The following UNC80 variants were observed in gnomAD, a reference collection of about 807,000 sequenced individuals.
UNC80 encodes the protein protein unc-80 homolog.
A neutral mutation model predicts 384.6 loss-of-function variants in UNC80; 164 were observed. That is an observed-to-expected ratio of 0.43 (90% CI 0.38 to 0.49). The LOEUF (loss-of-function observed/expected upper bound fraction) is 0.49, where lower values mean the gene tolerates loss of function less well. Among genes scored for constraint, UNC80 ranks in the 20% least tolerant of loss-of-function variants. The probability of loss-of-function intolerance (pLI) is 0.00; values close to 1 mark genes in which losing one functional copy is unlikely to be tolerated. For synonymous variants in UNC80, 1,486 were observed against 1,527.8 expected (o/e 0.97, Z 0.64); for missense variants, 3,330 against 4,143.0 (o/e 0.80, Z 5.39).
At chr2:209,895,333 A>T (rs760698913) in intron 27 of UNC80, among the ~76,000 whole-genome samples, 2 of 152,240 alleles carry the variant, frequency 1.3e-5, no homozygotes, top group Non-Finnish European at 2.9e-5. Flanking sequence ...AAAGTCAGCA[A>T]GAAGTGTGGA....
At chr2:209,774,317 T>C (rs1303724981) in intron 2 of UNC80, among the ~76,000 whole-genome samples, 1 of 152,230 alleles carries the variant, frequency 6.6e-6, no homozygotes, top group Non-Finnish European at 1.5e-5. Context: ...GAATTTAGCT[T>C]GTTAGAGTAA....
rs2093524169 is a variant in UNC80 at position 209,999,176 on chromosome 2, G to T, written c.*3581G>T. The T allele has an allele frequency of 6.6e-6, 1 of 152,034 alleles. No individual in the cohort carries two copies. 9.4% of individuals were successfully genotyped at this position (152,034 alleles called of 1,614,324 possible). A position where few individuals can be genotyped will look rare whatever the true frequency, so the allele number is the denominator to read the frequency against. On this transcript the variant is annotated 3_prime_UTR_variant, in exon 65 of 65. Coordinates refer to ENST00000673920, the MANE Select transcript of UNC80 (RefSeq NM_001371986.1). The stretch of plus-strand genomic sequence containing the variant: ...CTATTATGAGTACTGAATGACCAAA[G>T]AACATGGAAAAAATGCATATGAATA...
chr2:209,937,748 T>C, intron 42 of UNC80, 118 bp downstream of exon 42: 1 of 717,980 alleles, frequency 1.4e-6, no homozygotes. Flanking sequence ...CTGGAGACAG[T>C]AGTTGGCCCT....
chr2:209,954,029 C>T lies in UNC80; in HGVS notation c.7287-71C>T. ...TCTAGATGCTTTTCATTGTTCTATGCTCTTAAGTGTGACACAACCAACAAA... is the reference window on the plus strand; with the variant it reads ...TCTAGATGCTTTTCATTGTTCTATGTTCTTAAGTGTGACACAACCAACAAA... On this transcript the variant is annotated intron_variant, in intron 47 of 64. Coordinates refer to ENST00000673920, the MANE Select transcript of UNC80 (RefSeq NM_001371986.1). 6.8e-6 allele frequency: 10 copies of T among 1,466,522 alleles called. No homozygotes were observed. The South Asian group carries it at 1.3e-4, about 19-fold the overall frequency. 90.8% of individuals were successfully genotyped at this position (1,466,522 alleles called of 1,614,324 possible).
intron 15 of UNC80, among the ~76,000 whole-genome samples, chr2:209,829,676 T>G (rs1025028209): frequency 2.6e-5 from 4 of 152,144 alleles, no homozygotes; most frequent in African/African-American, 9.7e-5. Context: ...GGGACTCCTC[T>G]CTCTCATATA....
At chr2:209,774,265 A>C (rs2076743933) in intron 2 of UNC80, among the ~76,000 whole-genome samples, 1 of 152,222 alleles carries the variant, frequency 6.6e-6, no homozygotes, top group African/African-American at 2.4e-5. Flanking sequence ...ATTTTTTAAA[A>C]TATAACTTTC....
chr2:209,826,062 A>G lies in UNC80; in HGVS notation c.2478+9A>G. 1 of 1,544,346 alleles carries G rather than the reference A, an allele frequency of 6.5e-7. No homozygotes were observed. The highest frequency in any genetic ancestry group is 1.2e-5 in the South Asian group (1 of 82,440). On this transcript the variant is annotated intron_variant, in intron 14 of 64. Coordinates refer to ENST00000673920, the MANE Select transcript of UNC80 (RefSeq NM_001371986.1). The stretch of plus-strand genomic sequence containing the variant: ...AGGTATTCCGAGAGAATGTAAGAGA[A>G]TTAAAGTAGATTCCATTTCCTCTCC...
intron 47 of UNC80, among the ~76,000 whole-genome samples, chr2:209,953,426 A>G (rs1429780316): frequency 2.6e-5 from 4 of 151,396 alleles, no homozygotes; most frequent in Non-Finnish European, 5.9e-5. Context: ...CAAAAAAAAA[A>G]AAAAAAAAAA....
intron 22 of UNC80, 80 bp downstream of exon 22, chr2:209,849,703 T>C (rs2082388011): frequency 2.2e-6 from 3 of 1,370,142 alleles, no homozygotes; most frequent in Non-Finnish European, 3.0e-6. Context: ...GATTCCCCAA[T>C]TGTAATCCTC....
At position 209,820,688 on chromosome 2, in the gene UNC80, G is replaced by A. The variant is rs370746956; in HGVS notation, c.2331+9G>A. On this transcript the variant is annotated intron_variant, in intron 13 of 64. Transcript: ENST00000673920. ...ATAAGAACCAAGAGAAGGTATGACT[G>A]AACCACCTTATGTGTCCTCATGAAA... is the stretch of plus-strand genomic sequence containing the variant. 5 of 1,527,868 alleles carry A rather than the reference G, an allele frequency of 3.3e-6. No homozygotes were observed. In the African/African-American group the frequency reaches 6.9e-5, roughly 21 times the overall value. The allele number at this position is 1,527,868 out of a possible 1,614,324, so 94.6% of individuals were successfully genotyped here. A position where few individuals can be genotyped will look rare whatever the true frequency, so the allele number is the denominator to read the frequency against.
At chr2:209,974,047 C>T (rs2092948668) in intron 56 of UNC80, among the ~76,000 whole-genome samples, 1 of 152,164 alleles carries the variant, frequency 6.6e-6, no homozygotes, top group Non-Finnish European at 1.5e-5. Context: ...CAGGAAAAGA[C>T]CACTCTTGCC....
intron 13 of UNC80, 76 bp from the exon 14 acceptor site, chr2:209,825,831 A>G: frequency 7.7e-7 from 1 of 1,300,562 alleles, no homozygotes; most frequent in Non-Finnish European, 1.0e-6. Flanking sequence ...ATTTAATCAT[A>G]CAATAGAATC....
intron 51 of UNC80, chr2:209,961,302 A>C (rs921097106): frequency 1.3e-5 from 2 of 152,186 alleles, no homozygotes; most frequent in African/African-American, 4.8e-5. Context: ...ATAGATACTA[A>C]TGCTAATGAG....
intron 9 of UNC80, among the ~76,000 whole-genome samples, chr2:209,816,457 A>T (rs12466464): frequency 1.3e-5 from 2 of 152,240 alleles, no homozygotes; most frequent in Non-Finnish European, 1.5e-5. Context: ...ATGAAAAATG[A>T]AACAGAAAAA....
chr2:209,860,379 A>C (rs2124860168), intron 22 of UNC80, among the ~76,000 whole-genome samples: 1 of 152,198 alleles, frequency 6.6e-6, no homozygotes, highest in East Asian at 1.9e-4. Context: ...GTTCTGCTCC[A>C]TTGGTCTATA....
chr2:209,938,743 C>A (rs2091427921), intron 42 of UNC80, among the ~76,000 whole-genome samples: 1 of 146,014 alleles, frequency 6.8e-6, no homozygotes, highest in Non-Finnish European at 1.5e-5. Flanking sequence ...TGTGTCTATT[C>A]ATCATGTTTA....
At position 209,976,798 on chromosome 2, in the gene UNC80, G is replaced by A; in HGVS notation, c.8773-115G>A. The A allele has an allele frequency of 8.3e-7, 1 of 1,202,540 alleles. No homozygotes were observed. The highest frequency in any genetic ancestry group is 1.5e-5 in the African/African-American group (1 of 65,364). The allele number at this position is 1,202,540 out of a possible 1,614,324, so 74.5% of individuals were successfully genotyped here. A position where few individuals can be genotyped will look rare whatever the true frequency, so the allele number is the denominator to read the frequency against. The stretch of plus-strand genomic sequence containing the variant: ...ACTTCCTGTGTAAAGTGCCGTTCTA[G>A]GAACATCACATGCATTACCTTATTT... On this transcript the variant is annotated intron_variant, in intron 57 of 64. Coordinates refer to ENST00000673920, the MANE Select transcript of UNC80 (RefSeq NM_001371986.1). The surrounding 1 kb of genome is among the most constrained non-coding windows in gnomAD (Gnocchi z 4.3).
chr2:209,954,099 G>A lies in UNC80; in HGVS notation c.7287-1G>A, dbSNP rs1455910574. 6.5e-7 allele frequency: 1 copy of A among 1,544,222 alleles called. No individual in the cohort carries two copies. The highest frequency in any genetic ancestry group is 1.4e-5 in the African/African-American group (1 of 72,514). On this transcript the variant is annotated splice_acceptor_variant, in intron 47 of 64. Transcript: ENST00000673920. LOFTEE classifies it high-confidence loss of function. The stretch of plus-strand genomic sequence containing the variant: ...CTCGGTTTTCTTTCTGTCGCTTAAA[G>A]TCTTCAGATGCTGATGGTCTTAGAA...
chr2:209,920,697 T>C (rs918722529), intron 33 of UNC80, among the ~76,000 whole-genome samples: 2 of 152,202 alleles, frequency 1.3e-5, no homozygotes, highest in African/African-American at 2.4e-5. Context: ...GTGTTTATAG[T>C]GTGACAAATA....
Sources: allele counts gnomAD v4.1 joint callset (sites outside exome capture counted in the v4.1 genomes callset), GRCh38; gene constraint gnomAD v4.1.1; non-coding constraint Gnocchi (gnomAD v3.1); transcripts MANE v1.5; gene names NCBI Gene and HGNC (gene_info 2026-07-23, HGNC 2026-07-21).